PRPSAP1: variants seen among roughly 807,000 people sequenced by gnomAD.
PRPSAP1 encodes the protein phosphoribosyl pyrophosphate synthase-associated protein 1.
In PRPSAP1, 31 loss-of-function variants were observed where a neutral mutation model predicts 39.4. That is an observed-to-expected ratio of 0.79 (90% confidence interval 0.59 to 1.06). PRPSAP1 has a LOEUF of 1.06. PRPSAP1 is among the 50% of genes least tolerant of loss of function. The probability of loss-of-function intolerance (pLI) is 0.00; values close to 1 mark genes in which losing one functional copy is unlikely to be tolerated. For synonymous variants in PRPSAP1, 212 were observed against 192.6 expected (o/e 1.10, Z -0.83); for missense variants, 430 against 511.6 (o/e 0.84, Z 1.54).
At chr17:76,321,473 G>A (rs1315755232) in intron 7 of PRPSAP1, among the ~76,000 whole-genome samples, 1 of 151,936 alleles carries the variant, frequency 6.6e-6, no homozygotes, top group African/African-American at 2.4e-5. Flanking sequence ...CCCGGGAGGC[G>A]GAGGTTGCAG....
At chr17:76,320,737 G>A (rs1438740827) in intron 7 of PRPSAP1, among the ~76,000 whole-genome samples, 2 of 150,838 alleles carry the variant, frequency 1.3e-5, no homozygotes. Context: ...ACAGATTGAA[G>A]TTTGTGGCAA....
chr17:76,354,181 G>A, upstream of PRPSAP1: 3 of 988,586 alleles, frequency 3.0e-6, no homozygotes, highest in Non-Finnish European at 1.2e-6. Flanking sequence ...CCTCCGAGGA[G>A]GTATACGATC....
chr17:76,325,886 C>G lies in PRPSAP1; in HGVS notation c.781+2831G>C, dbSNP rs182020519. Among the ~76,000 whole-genome samples, 9 of 152,094 alleles carry G rather than the reference C, an allele frequency of 5.9e-5. No individual in the cohort carries two copies. The East Asian group carries it at 1.6e-3, about 26-fold the overall frequency. The stretch of plus-strand genomic sequence containing the variant: ...CTCCCAAAGTGCTGGGATTACAGGC[C>G]TGAGCCATTGCGCCTGGCCAACTGC... On this transcript the variant is annotated intron_variant, in intron 7 of 9. Transcript: ENST00000446526.
chr17:76,345,972 C>A, intron 2 of PRPSAP1: 2 of 470,430 alleles, frequency 4.3e-6, no homozygotes, highest in Non-Finnish European at 8.4e-6. Context: ...CCTAAAAAGG[C>A]CACTGCAAAG....
At chr17:76,346,507 C>T (rs1236048408) in intron 2 of PRPSAP1, among the ~76,000 whole-genome samples, 2 of 152,212 alleles carry the variant, frequency 1.3e-5, no homozygotes, top group African/African-American at 4.8e-5. Flanking sequence ...CTGACCCCCC[C>T]ATAATTGATT....
At chr17:76,330,826 A>G (rs1263353027) in intron 4 of PRPSAP1, among the ~76,000 whole-genome samples, 160 bp from the exon 5 acceptor site, 1 of 152,212 alleles carries the variant, frequency 6.6e-6, no homozygotes, top group Non-Finnish European at 1.5e-5. Context: ...AACCTTAATA[A>G]AGCCTTAATG....
At chr17:76,350,410 G>C (rs889412970) in intron 1 of PRPSAP1, among the ~76,000 whole-genome samples, 1 of 151,748 alleles carries the variant, frequency 6.6e-6, no homozygotes, top group Non-Finnish European at 1.5e-5. Context: ...CTGCACTCCA[G>C]CCTGTGCGAC....
At chr17:76,329,271 C>T (rs766235701) in intron 6 of PRPSAP1, among the ~76,000 whole-genome samples, 7 of 151,986 alleles carry the variant, frequency 4.6e-5, no homozygotes, top group Non-Finnish European at 7.4e-5. Context: ...GTCTATGTTG[C>T]CCAGGCTGGT....
At chr17:76,312,780 G>C (rs1377234189) in intron 9 of PRPSAP1, 90 bp downstream of exon 9, 2 of 1,491,764 alleles carry the variant, frequency 1.3e-6, no homozygotes, top group East Asian at 4.6e-5. Context: ...GCTATAGACA[G>C]ATTAAGCAAT....
At chr17:76,322,764 C>T (rs1425472449) in intron 7 of PRPSAP1, among the ~76,000 whole-genome samples, 1 of 152,016 alleles carries the variant, frequency 6.6e-6, no homozygotes, top group Non-Finnish European at 1.5e-5. Context: ...GATGGGTTGA[C>T]TGCTTGAGCC....
rs1029163940 is a variant in PRPSAP1, at chr17:76,341,807, T to C, written c.290+2864A>G. ...ACAAAAAATTAGCCGGGCGTGGTGGTGGGCGCCTGTAGTCCCAGCTACTCG... is the reference window on the plus strand; with the variant it reads ...ACAAAAAATTAGCCGGGCGTGGTGGCGGGCGCCTGTAGTCCCAGCTACTCG... On this transcript the variant is annotated intron_variant, in intron 3 of 9. Coordinates refer to ENST00000446526, the MANE Select transcript of PRPSAP1 (RefSeq NM_002766.3). 1.1e-4 allele frequency among the ~76,000 whole-genome samples: 16 copies of C among 152,032 alleles called. No individual in the cohort carries two copies. In the East Asian group the frequency reaches 1.6e-3, roughly 15 times the overall value.
At chr17:76,331,835 A>G (rs1322344644) in intron 4 of PRPSAP1, among the ~76,000 whole-genome samples, 1 of 152,084 alleles carries the variant, frequency 6.6e-6, no homozygotes, top group Non-Finnish European at 1.5e-5. Context: ...AGCAATGAAA[A>G]TGAGCCACTA....
chr17:76,354,155 G>T (rs540857817), upstream of PRPSAP1: 29 of 993,084 alleles, frequency 2.9e-5, no homozygotes, highest in African/African-American at 4.9e-4. Context: ...TTTTTGGCCA[G>T]GACCCAACAT....
intron 3 of PRPSAP1, 66 bp from the exon 4 acceptor site, chr17:76,332,501 T>A: frequency 1.3e-6 from 2 of 1,567,588 alleles, no homozygotes; most frequent in Non-Finnish European, 1.7e-6. Context: ...AGATCTTGAC[T>A]TTATCAACTT....
intron 1 of PRPSAP1, among the ~76,000 whole-genome samples, chr17:76,349,274 C>A (rs569084929): frequency 6.7e-6 from 1 of 148,876 alleles, no homozygotes; most frequent in Admixed American, 6.7e-5. Flanking sequence ...ATTGCACTCC[C>A]GCCTGGGTAA....
At chr17:76,318,963 G>A (rs537500042) in intron 7 of PRPSAP1, among the ~76,000 whole-genome samples, 2 of 151,576 alleles carry the variant, frequency 1.3e-5, no homozygotes, top group African/African-American at 4.8e-5. Context: ...TTTTTGAGAT[G>A]GAGTCTCACT....
Position 76,353,867 on chromosome 17 carries a change from A to G in PRPSAP1, c.-164T>C, listed in dbSNP as rs192169656. The G allele has an allele frequency of 9.8e-6, 13 of 1,320,360 alleles. No homozygotes were observed. Among genetic ancestry groups the G allele is most frequent in the Non-Finnish European group, 1.1e-5 (11 of 1,039,372 alleles). 81.8% of individuals were successfully genotyped at this position (1,320,360 alleles called of 1,614,324 possible). ...TTGCGCACCCCACACCACTGACTACAGCGGCCGAGCCTTCGCAGCGCCCGG... is the reference window on the plus strand; with the variant it reads ...TTGCGCACCCCACACCACTGACTACGGCGGCCGAGCCTTCGCAGCGCCCGG... On this transcript the variant is annotated 5_prime_UTR_variant, in exon 1 of 10. Coordinates refer to ENST00000446526, the MANE Select transcript of PRPSAP1 (RefSeq NM_002766.3).
chr17:76,341,750 TAAC>T (rs2071441689), intron 3 of PRPSAP1, among the ~76,000 whole-genome samples: 1 of 152,062 alleles, frequency 6.6e-6, no homozygotes, highest in Non-Finnish European at 1.5e-5. Flanking sequence ...CCATCCTGGC[TAAC>T]ATGGTGAAAC....
chr17:76,343,884 G>T lies in PRPSAP1; in HGVS notation c.290+787C>A, dbSNP rs563767359. Among the ~76,000 whole-genome samples, 4 of 152,286 alleles carry T rather than the reference G, an allele frequency of 2.6e-5. No homozygotes were observed. In the East Asian group the frequency reaches 5.8e-4, roughly 22 times the overall value. Reference sequence around the variant, plus strand: ...AGGTAACAGTACAGTGTGACAAATGGTAGGAATTCCAGAAGACAGTAATTG... The same window carrying T: ...AGGTAACAGTACAGTGTGACAAATGTTAGGAATTCCAGAAGACAGTAATTG... On this transcript the variant is annotated intron_variant, in intron 3 of 9. Coordinates refer to ENST00000446526, the MANE Select transcript of PRPSAP1 (RefSeq NM_002766.3).
Sources: gnomAD v4.1 joint callset for allele counts (sites outside exome capture counted in the v4.1 genomes callset) on GRCh38, gnomAD v4.1.1 for gene constraint, MANE v1.5 for transcripts, NCBI Gene and HGNC (gene_info 2026-07-23, HGNC 2026-07-21) for gene names.